ATG10: variants seen among roughly 807,000 people sequenced by gnomAD.
ATG10 encodes autophagy related 10.
ATG10 carries 30 observed loss-of-function variants against 32.1 expected under a neutral mutation model. The observed-to-expected ratio is 0.94, with a 90% CI of 0.70 to 1.27. The LOEUF is 1.27. Ranked by LOEUF, ATG10 falls within the 50% of genes most tolerant of loss-of-function variation. ATG10 has a pLI of 0.00. For missense variants in ATG10, 233 were observed against 262.3 expected (o/e 0.89, Z 0.77); for synonymous variants, 87 against 91.5 (o/e 0.95, Z 0.28).
chr5:82,025,910 A>G (rs1762580916), intron 2 of ATG10, among the ~76,000 whole-genome samples: 1 of 152,210 alleles, frequency 6.6e-6, no homozygotes, highest in Non-Finnish European at 1.5e-5. Context: ...TTTTAAGATT[A>G]TGGTAAAATA....
chr5:82,149,233 T>C (rs972345347), intron 3 of ATG10, among the ~76,000 whole-genome samples: 10 of 151,942 alleles, frequency 6.6e-5, no homozygotes, highest in Non-Finnish European at 1.3e-4. Context: ...AGCTGTTTAC[T>C]AATATACCCC....
At chr5:82,047,746 G>T (rs1651610422) in intron 2 of ATG10, among the ~76,000 whole-genome samples, 1 of 152,178 alleles carries the variant, frequency 6.6e-6, no homozygotes, top group African/African-American at 2.4e-5. Flanking sequence ...GGTGCTGGAG[G>T]TGAAAAGAAG....
At position 82,231,753 on chromosome 5, in the gene ATG10, A is replaced by C. The variant is rs901556054; in HGVS notation, c.454-20809A>C. On this transcript the variant is annotated intron_variant, in intron 5 of 7. Coordinates refer to ENST00000282185, the MANE Select transcript of ATG10 (RefSeq NM_031482.5). ...AAACTAATTTTAGCTTAATGAAATCACTGGGAAATCTGCTTCTGGGTATAA... is the reference window on the plus strand; with the variant it reads ...AAACTAATTTTAGCTTAATGAAATCCCTGGGAAATCTGCTTCTGGGTATAA... Among the ~76,000 whole-genome samples, 7 of 152,334 alleles carry C rather than the reference A, an allele frequency of 4.6e-5. No homozygotes were observed. The East Asian group carries it at 5.8e-4, about 13-fold the overall frequency.
intron 3 of ATG10, among the ~76,000 whole-genome samples, chr5:82,085,761 ACT>A (rs1764663124): frequency 6.6e-6 from 1 of 152,216 alleles, no homozygotes; most frequent in Non-Finnish European, 1.5e-5. Flanking sequence ...ATTTGCACAC[ACT>A]AGGTACAAAG....
intron 2 of ATG10, among the ~76,000 whole-genome samples, chr5:81,994,281 T>C (rs1201382209): frequency 2.0e-5 from 3 of 152,220 alleles, no homozygotes; most frequent in Non-Finnish European, 4.4e-5. Flanking sequence ...CCTGCTACCT[T>C]TCTAGCTTCA....
chr5:82,205,883 G>C, intron 5 of ATG10, among the ~76,000 whole-genome samples: 1 of 152,160 alleles, frequency 6.6e-6, no homozygotes, highest in East Asian at 1.9e-4. Context: ...AAAGACAGTA[G>C]GCAAGGAAGT....
At chr5:82,151,731 A>G (rs1200093437) in intron 3 of ATG10, among the ~76,000 whole-genome samples, 1 of 152,148 alleles carries the variant, frequency 6.6e-6, no homozygotes, top group African/African-American at 2.4e-5. Context: ...ATATGGATTT[A>G]TATTTGCTAT....
At chr5:82,224,891 GC>G (rs2149997723) in intron 5 of ATG10, among the ~76,000 whole-genome samples, 1 of 152,304 alleles carries the variant, frequency 6.6e-6, no homozygotes, top group Non-Finnish European at 1.5e-5. Flanking sequence ...TCCTTGAAAT[GC>G]CTGATTTAAA....
At position 82,047,144 on chromosome 5, in the gene ATG10, C is replaced by A. The variant is rs565989581; in HGVS notation, c.109-11351C>A. ...AAAAATAACTTTCGATAGCAGGCCC[C>A]CCATGTCCCCTCCGATCAGTTATAA... is the stretch of plus-strand genomic sequence containing the variant. On this transcript the variant is annotated intron_variant, in intron 2 of 7. Transcript: ENST00000282185. Among the ~76,000 whole-genome samples the A allele has an allele frequency of 3.3e-5, 5 of 152,178 alleles. No individual in the cohort carries two copies. The South Asian group carries it at 1.0e-3, about 32-fold the overall frequency.
At chr5:82,215,482 T>A (rs1187246311) in intron 5 of ATG10, among the ~76,000 whole-genome samples, 2 of 152,142 alleles carry the variant, frequency 1.3e-5, no homozygotes, top group Non-Finnish European at 2.9e-5. Context: ...GACCTTGAGT[T>A]TTTTCAATGG....
chr5:82,084,589 C>T (rs1333937089), intron 3 of ATG10, among the ~76,000 whole-genome samples: 13 of 152,270 alleles, frequency 8.5e-5, no homozygotes, highest in Admixed American at 4.6e-4. Context: ...AGAGAAAGGT[C>T]GGGTTACCCA....
intron 1 of ATG10, among the ~76,000 whole-genome samples, chr5:81,983,830 G>C (rs1197968952): frequency 6.6e-6 from 1 of 151,626 alleles, no homozygotes; most frequent in Non-Finnish European, 1.5e-5. Context: ...AGACGGGGTC[G>C]TGGCCAGGCA....
At chr5:82,006,487 A>G (rs1000113875) in intron 2 of ATG10, among the ~76,000 whole-genome samples, 8 of 152,132 alleles carry the variant, frequency 5.3e-5, no homozygotes, top group African/African-American at 1.9e-4. Context: ...ATTTCAACCT[A>G]ATTAACTTAG....
At chr5:82,216,249 G>A (rs1469939501) in intron 5 of ATG10, among the ~76,000 whole-genome samples, 1 of 152,106 alleles carries the variant, frequency 6.6e-6, no homozygotes, top group Non-Finnish European at 1.5e-5. Flanking sequence ...AAAAAGGAAG[G>A]GCAACAAAAA....
intron 3 of ATG10, among the ~76,000 whole-genome samples, chr5:82,135,891 A>C (rs1055647923): frequency 1.2e-4 from 18 of 152,078 alleles, no homozygotes; most frequent in African/African-American, 4.3e-4. Context: ...TGCTTTATGA[A>C]TCTAGGTGGT....
chr5:82,024,632 T>A (rs1421839167), intron 2 of ATG10, among the ~76,000 whole-genome samples: 1 of 152,216 alleles, frequency 6.6e-6, no homozygotes, highest in Non-Finnish European at 1.5e-5. Flanking sequence ...TTTTCAAATG[T>A]TGATTTTTGT....
At position 82,186,491 on chromosome 5, in the gene ATG10, T is replaced by C. The variant is rs1413905727; in HGVS notation, c.453+7904T>C. 2.0e-5 allele frequency among the ~76,000 whole-genome samples: 3 copies of C among 152,190 alleles called. No individual in the cohort carries two copies. The East Asian group carries it at 5.8e-4, about 29-fold the overall frequency. Reference sequence around the variant, plus strand: ...TGTTTGTCTCTGTCTCTACTAGCAATTATTTTTAGATTATCAGTCTGTACA... The same window carrying C: ...TGTTTGTCTCTGTCTCTACTAGCAACTATTTTTAGATTATCAGTCTGTACA... On this transcript the variant is annotated intron_variant, in intron 5 of 7. Transcript: ENST00000282185.
At chr5:82,206,268 A>G (rs747925422) in intron 5 of ATG10, among the ~76,000 whole-genome samples, 13 of 152,196 alleles carry the variant, frequency 8.5e-5, no homozygotes, top group Non-Finnish European at 1.5e-4. Flanking sequence ...AATCTTGGAG[A>G]GAGGCAAACA....
chr5:82,246,366 C>T (rs976433818), intron 5 of ATG10, among the ~76,000 whole-genome samples: 1 of 151,866 alleles, frequency 6.6e-6, no homozygotes, highest in Non-Finnish European at 1.5e-5. Flanking sequence ...CCACCATGCT[C>T]GGCCAATCTG....
Sources: gnomAD v4.1 joint callset for allele counts (sites outside exome capture counted in the v4.1 genomes callset) on GRCh38, gnomAD v4.1.1 for gene constraint, MANE v1.5 for transcripts, NCBI Gene and HGNC (gene_info 2026-07-23, HGNC 2026-07-21) for gene names.